Variants in NBAS observed in about 807,000 individuals in gnomAD.
NBAS encodes NAG/BC035112 fusion.
NBAS carries 219 observed loss-of-function variants against 302.5 expected under a neutral mutation model. The observed-to-expected ratio is 0.72, with a 90% CI of 0.65 to 0.81. NBAS has a LOEUF of 0.81. Ranked by LOEUF, NBAS falls within the 30% of genes least tolerant of loss-of-function variation. The pLI is 0.00. For missense variants in NBAS, 2,932 were observed against 2,841.6 expected, an observed-to-expected ratio of 1.03 and a Z score of -0.72; for synonymous variants, 1,118 against 1,021.6, an observed-to-expected ratio of 1.09 and a Z score of -1.80.
At chr2:15,536,975 C>T (rs1037483516) in intron 7 of NBAS, among the ~76,000 whole-genome samples, 1 of 152,234 alleles carries the variant, frequency 6.6e-6, no homozygotes. Flanking sequence ...TTTGCCTAAT[C>T]AGCAACCTAA....
intron 21 of NBAS, among the ~76,000 whole-genome samples, chr2:15,446,917 A>G (rs1330952991): frequency 1.3e-5 from 2 of 152,036 alleles, no homozygotes; most frequent in African/African-American, 4.8e-5. Context: ...AGTATAACTA[A>G]CAATTCAATA....
At chr2:15,384,563 G>A (rs1675197469) in intron 28 of NBAS, among the ~76,000 whole-genome samples, 1 of 149,798 alleles carries the variant, frequency 6.7e-6, no homozygotes, top group African/African-American at 2.5e-5. Context: ...CAACAAATGT[G>A]AATGAATGAA....
chr2:14,787,862 T>C, the NBAS span, among the ~76,000 whole-genome samples: 289 of 152,334 alleles, frequency 1.9e-3, 2 homozygotes, highest in African/African-American at 6.7e-3. Context: ...AATCTGAATG[T>C]TGGCCTGCCT....
At chr2:15,440,473 A>G (rs1208536798) in intron 21 of NBAS, among the ~76,000 whole-genome samples, 2 of 152,194 alleles carry the variant, frequency 1.3e-5, no homozygotes. Flanking sequence ...GAAAACTAAC[A>G]AACAGAAAGG....
the NBAS span, among the ~76,000 whole-genome samples, chr2:14,808,402 C>T: frequency 3.3e-5 from 5 of 152,114 alleles, no homozygotes; most frequent in Non-Finnish European, 2.9e-5. Context: ...ATAATTCTCA[C>T]GTGTTGTGGG....
chr2:15,436,917 G>T (rs1289069217), intron 21 of NBAS, among the ~76,000 whole-genome samples: 1 of 152,168 alleles, frequency 6.6e-6, no homozygotes, highest in Non-Finnish European at 1.5e-5. Context: ...AGATAGACAG[G>T]AGGATGGACA....
chr2:15,056,113 A>AAT, the NBAS span, among the ~76,000 whole-genome samples: 1 of 151,582 alleles, frequency 6.6e-6, no homozygotes. Context: ...AAAAAAAAAA[A>AAT]ACTGAGAAAC....
At chr2:15,006,696 T>C in the NBAS span, among the ~76,000 whole-genome samples, 4 of 152,182 alleles carry the variant, frequency 2.6e-5, no homozygotes, top group Non-Finnish European at 4.4e-5. Context: ...CAATTAAAAA[T>C]ACGATTTTTA....
the NBAS span, among the ~76,000 whole-genome samples, chr2:14,823,942 G>T: frequency 6.6e-6 from 1 of 152,168 alleles, no homozygotes; most frequent in Non-Finnish European, 1.5e-5. Flanking sequence ...CCACTCCGAG[G>T]CACTGTCTCC....
chr2:14,811,253 CA>C, the NBAS span, among the ~76,000 whole-genome samples: 1 of 151,978 alleles, frequency 6.6e-6, no homozygotes, highest in Non-Finnish European at 1.5e-5. Flanking sequence ...ACTAACAAAA[CA>C]AATTAATTAG....
chr2:15,197,920 G>GT (rs1665694943), intron 48 of NBAS, among the ~76,000 whole-genome samples: 1 of 152,154 alleles, frequency 6.6e-6, no homozygotes, highest in African/African-American at 2.4e-5. Context: ...ACTGCAAACT[G>GT]TTTTGCATAT....
At position 15,435,531 on chromosome 2, in the gene NBAS, GAC is replaced by G. The variant is rs1425760585; in HGVS notation, c.2340-7739_2340-7738del. Among the ~76,000 whole-genome samples, 6 of 152,172 alleles carry G rather than the reference GAC, an allele frequency of 3.9e-5. No homozygotes were observed. In the East Asian group the frequency reaches 1.2e-3, roughly 29 times the overall value. On this transcript the variant is annotated intron_variant, in intron 21 of 51. Coordinates refer to ENST00000281513, the MANE Select transcript of NBAS (RefSeq NM_015909.4). ...ATCTTTCTCATTTTACAGGAGAGGA[GAC>G]ACAGGCACAGAAACAGTAAGCAACT... is the stretch of plus-strand genomic sequence containing the variant.
At chr2:14,909,365 C>CAAAAAAAA in the NBAS span, among the ~76,000 whole-genome samples, 2 of 50,126 alleles carry the variant, frequency 4.0e-5, no homozygotes, top group African/African-American at 1.6e-4. Flanking sequence ...GGGAGAGTTT[C>CAAAAAAAA]TAAAAAAAAA....
At chr2:15,044,585 CTA>C in the NBAS span, among the ~76,000 whole-genome samples, 2 of 152,224 alleles carry the variant, frequency 1.3e-5, no homozygotes, top group African/African-American at 4.8e-5. Context: ...TGAGGAGACT[CTA>C]TGAGTTGAAA....
chr2:14,979,787 A>G, the NBAS span, among the ~76,000 whole-genome samples: 1 of 152,222 alleles, frequency 6.6e-6, no homozygotes. Flanking sequence ...GCACACTCCC[A>G]GGACACGGAA....
chr2:14,835,102 A>G, the NBAS span, among the ~76,000 whole-genome samples: 1,092 of 152,204 alleles, frequency 7.2e-3, 12 homozygotes, highest in African/African-American at 0.025. Flanking sequence ...TCCCTGGCCT[A>G]GAAGACCAAG....
At chr2:14,787,320 C>T in the NBAS span, among the ~76,000 whole-genome samples, 3 of 152,130 alleles carry the variant, frequency 2.0e-5, no homozygotes, top group Middle Eastern at 3.2e-3. Flanking sequence ...AGTCCATTTA[C>T]ATTTAAAGTT....
the NBAS span, among the ~76,000 whole-genome samples, chr2:14,867,624 G>A: frequency 2.0e-5 from 3 of 152,060 alleles, no homozygotes; most frequent in African/African-American, 4.8e-5. Flanking sequence ...TGTAAGGAAC[G>A]GTTATCATTA....
intron 44 of NBAS, among the ~76,000 whole-genome samples, chr2:15,263,630 T>A (rs1007931197): frequency 6.6e-6 from 1 of 152,228 alleles, no homozygotes; most frequent in Non-Finnish European, 1.5e-5. Flanking sequence ...CTGCTAAATA[T>A]GTCTTGAATG....
Sources: allele counts gnomAD v4.1 joint callset (sites outside exome capture counted in the v4.1 genomes callset), GRCh38; gene constraint gnomAD v4.1.1; transcripts MANE v1.5; gene names NCBI Gene and HGNC (gene_info 2026-07-23, HGNC 2026-07-21).